PARD3B: variants seen among roughly 807,000 people sequenced by gnomAD.
PARD3B encodes par-3 family cell polarity regulator beta.
In PARD3B, 103 loss-of-function variants were observed where a neutral mutation model predicts 130.2. The ratio of observed to expected loss-of-function variants is 0.79; its 90% confidence interval spans 0.67 to 0.93. The LOEUF (loss-of-function observed/expected upper bound fraction) is 0.93. Ranked by LOEUF, PARD3B falls within the 40% of genes least tolerant of loss-of-function variation. The pLI is 0.00. For synonymous variants in PARD3B, 583 were observed against 553.2 expected, an observed-to-expected ratio of 1.05 and a Z score of -0.76; for missense variants, 1,609 against 1,499.2, an observed-to-expected ratio of 1.07 and a Z score of -1.21.
At chr2:204,770,350 G>T (rs1194705521) in intron 2 of PARD3B, among the ~76,000 whole-genome samples, 1 of 135,300 alleles carries the variant, frequency 7.4e-6, no homozygotes, top group Admixed American at 7.7e-5. Flanking sequence ...TAGTTTGATT[G>T]CACTGTGGTC....
intron 2 of PARD3B, among the ~76,000 whole-genome samples, chr2:204,869,613 T>C (rs1312172832): frequency 6.6e-6 from 1 of 152,168 alleles, no homozygotes; most frequent in Non-Finnish European, 1.5e-5. Flanking sequence ...TGATGCAGTA[T>C]GAGGTTTTCC....
At chr2:205,082,809 C>CAA (rs1701499069) in intron 4 of PARD3B, among the ~76,000 whole-genome samples, 1 of 151,848 alleles carries the variant, frequency 6.6e-6, no homozygotes, top group Non-Finnish European at 1.5e-5. Flanking sequence ...AATTTGAAGC[C>CAA]TTTGCTTTAA....
rs993901571 is a variant in PARD3B, at chr2:205,407,405, C to T, written c.2741+6282C>T. On this transcript the variant is annotated intron_variant, in intron 19 of 22. Coordinates refer to ENST00000406610, the MANE Select transcript of PARD3B (RefSeq NM_001302769.2). The surrounding 1 kb of genome is among the most constrained non-coding windows in gnomAD (Gnocchi z 4.1). ...CCAGTGTTATATTCAAAGATGATTT[C>T]TTCCAACATTTTTCAAACTAAATTA... Among the ~76,000 whole-genome samples the T allele has an allele frequency of 6.6e-6, 1 of 152,148 alleles. No individual in the cohort carries two copies. Among genetic ancestry groups the T allele is most frequent in the East Asian group, 1.9e-4 (1 of 5,200 alleles).
intron 2 of PARD3B, among the ~76,000 whole-genome samples, chr2:204,826,634 G>A: frequency 6.6e-6 from 1 of 152,248 alleles, no homozygotes; most frequent in East Asian, 1.9e-4. Context: ...TCTGGAAATA[G>A]GTTGAATTTT....
At chr2:205,127,412 T>C (rs2031567949) in intron 10 of PARD3B, among the ~76,000 whole-genome samples, 1 of 152,158 alleles carries the variant, frequency 6.6e-6, no homozygotes, top group Non-Finnish European at 1.5e-5. Flanking sequence ...TTATTTCCTT[T>C]GAATCTGTAT....
chr2:204,760,143 T>G (rs1336688358), intron 2 of PARD3B, among the ~76,000 whole-genome samples: 1 of 152,122 alleles, frequency 6.6e-6, no homozygotes, highest in Non-Finnish European at 1.5e-5. Context: ...TTTATATTTT[T>G]GAGTTAAAAA....
At chr2:205,373,588 AT>A (rs2105913646) in intron 18 of PARD3B, among the ~76,000 whole-genome samples, 1 of 152,382 alleles carries the variant, frequency 6.6e-6, no homozygotes, top group South Asian at 2.1e-4. Flanking sequence ...GTTGAAGTTT[AT>A]TAGTAAAATG....
intron 3 of PARD3B, among the ~76,000 whole-genome samples, chr2:204,993,816 A>C (rs562153661): frequency 6.6e-6 from 1 of 150,548 alleles, no homozygotes; most frequent in Admixed American, 6.6e-5. Flanking sequence ...GGGAGATTGT[A>C]TGTGTCGAGG....
At chr2:205,313,563 T>G (rs577122812) in intron 18 of PARD3B, among the ~76,000 whole-genome samples, 1 of 152,192 alleles carries the variant, frequency 6.6e-6, no homozygotes, top group Non-Finnish European at 1.5e-5. Flanking sequence ...GTAAAATGAT[T>G]TTGTCATACT....
At chr2:205,531,061 C>T (rs778757120) in intron 21 of PARD3B, among the ~76,000 whole-genome samples, 1 of 152,194 alleles carries the variant, frequency 6.6e-6, no homozygotes, top group Admixed American at 6.5e-5. Flanking sequence ...TGTGGAAGAA[C>T]TGAAGTGCAT....
rs73060133 is a variant in PARD3B, at chr2:205,536,527, C to T, written c.3181-16797C>T. Among the ~76,000 whole-genome samples the T allele has an allele frequency of 7.0e-3, 1,061 of 152,270 alleles. 13 individuals carry two copies. The highest frequency in any genetic ancestry group is 0.024 in the African/African-American group (990 of 41,554). ...CTTGTGAATGTTGTAAATTTAAACT[C>T]AGGGATCATCACCTGATCAGTAACT... On this transcript the variant is annotated intron_variant, in intron 21 of 22. Transcript: ENST00000406610.
chr2:204,782,805 T>C (rs1297525412), intron 2 of PARD3B, among the ~76,000 whole-genome samples: 1 of 152,094 alleles, frequency 6.6e-6, no homozygotes, highest in African/African-American at 2.4e-5. Flanking sequence ...CTTGGTTAAG[T>C]ATGGCTGTTT....
At chr2:204,778,294 T>G (rs1031125300) in intron 2 of PARD3B, among the ~76,000 whole-genome samples, 1 of 152,144 alleles carries the variant, frequency 6.6e-6, no homozygotes, top group African/African-American at 2.4e-5. Flanking sequence ...TGAGAGCCAT[T>G]TAATATTTTG....
intron 1 of PARD3B, among the ~76,000 whole-genome samples, chr2:204,563,367 AAAT>A (rs2031470631): frequency 1.3e-5 from 2 of 151,870 alleles, no homozygotes; most frequent in Non-Finnish European, 2.9e-5. Flanking sequence ...CTCTGTTTCT[AAAT>A]AAGGTCACAT....
In PARD3B at chr2:205,091,066, A is replaced by G. The variant is rs1009938413; in HGVS notation, c.505-13360A>G. On this transcript the variant is annotated intron_variant, in intron 4 of 22. Transcript: ENST00000406610. The surrounding 1 kb of genome is among the most constrained non-coding windows in gnomAD (Gnocchi z 4.2). The stretch of plus-strand genomic sequence containing the variant: ...CTAATAGAAGCAGTTATAAATATGT[A>G]AATTAAGCAATCTGATTATAGTACA... 1.3e-5 allele frequency among the ~76,000 whole-genome samples: 2 copies of G among 152,184 alleles called. No individual in the cohort carries two copies. The highest frequency in any genetic ancestry group is 4.8e-5 in the African/African-American group (2 of 41,426).
chr2:205,158,632 A>G lies in PARD3B; in HGVS notation c.1435-90A>G. On this transcript the variant is annotated intron_variant, in intron 10 of 22. Coordinates refer to ENST00000406610, the MANE Select transcript of PARD3B (RefSeq NM_001302769.2). The surrounding 1 kb of genome is among the most constrained non-coding windows in gnomAD (Gnocchi z 5.4). ...GTGAGAGGTCCAGTCATCCTGTCCT[A>G]CTGATTGCATCTGTGTCTGGTCATC... 2 of 1,303,474 alleles carry G rather than the reference A, an allele frequency of 1.5e-6. No individual in the cohort carries two copies. The highest frequency in any genetic ancestry group is 4.7e-5 in the East Asian group (2 of 43,002). 80.7% of individuals were successfully genotyped at this position (1,303,474 alleles called of 1,614,324 possible).
intron 18 of PARD3B, among the ~76,000 whole-genome samples, chr2:205,365,599 T>C (rs902837539): frequency 7.0e-6 from 1 of 142,330 alleles, no homozygotes; most frequent in Admixed American, 7.4e-5. Context: ...ACCACTGAGA[T>C]TATTTACAAA....
intron 2 of PARD3B, among the ~76,000 whole-genome samples, chr2:204,896,772 G>A (rs1478233027): frequency 1.3e-5 from 2 of 152,122 alleles, no homozygotes; most frequent in East Asian, 3.9e-4. Context: ...CTAAATAAAG[G>A]CTATCTAATG....
rs1031859260 is a variant in PARD3B at position 205,453,069 on chromosome 2, A to C, written c.3044+12397A>C. ...ATATGCAGAATTTCTTCACTTCGAC[A>C]TAAAATAACACAAAGAGAATGGCAC... On this transcript the variant is annotated intron_variant, in intron 20 of 22. Transcript: ENST00000406610. Among the ~76,000 whole-genome samples the C allele has an allele frequency of 2.0e-5, 3 of 152,214 alleles. No homozygotes were observed. In the South Asian group the frequency reaches 6.2e-4, roughly 32 times the overall value.
Sources: allele counts gnomAD v4.1 joint callset (sites outside exome capture counted in the v4.1 genomes callset), GRCh38; gene constraint gnomAD v4.1.1; non-coding constraint Gnocchi (gnomAD v3.1); transcripts MANE v1.5; gene names NCBI Gene and HGNC (gene_info 2026-07-23, HGNC 2026-07-21).